Variants in ELL observed in about 807,000 individuals in gnomAD.
The protein encoded by ELL is elongation factor for RNA polymerase II, also known as RNA polymerase II elongation factor ELL.
Under a neutral mutation model 64.0 loss-of-function variants are expected in ELL, and 18 were observed. That is an observed-to-expected ratio of 0.28 (90% CI 0.19 to 0.42). The LOEUF is 0.42. Ranked by LOEUF, ELL falls within the 10% of genes least tolerant of loss-of-function variation. ELL has a pLI of 1.00. For synonymous variants in ELL, 399 were observed against 376.2 expected (o/e 1.06, Z -0.70); for missense variants, 797 against 870.4 (o/e 0.92, Z 1.06).
rs760796540 is a variant in ELL at position 18,472,862 on chromosome 19, T to C, written c.156A>G (p.Pro52=). The C allele has an allele frequency of 6.4e-7, 1 of 1,563,974 alleles. No homozygotes were observed. Among genetic ancestry groups the C allele is most frequent in the Non-Finnish European group, 8.6e-7 (1 of 1,163,270 alleles). The change falls in exon 2 of 12, where the codon CCA becomes CCG. Residue 52 remains proline (P), a synonymous_variant. Coordinates refer to ENST00000262809, the MANE Select transcript of ELL (RefSeq NM_006532.4). ...CTTGGCTTCCTTGAAATCGGATAGA[T>C]GGCCTCAGTGAAACAGAATCCTATA... ...RARQDSVSLR[P]SIRFQGSQGH...
rs994678051 is a variant in ELL, at chr19:18,473,193, G to A, written c.136-311C>T. ...CAGGGGCGGGGAGTGTGCCATCCTT[G>A]GAAAGCCACCACCAGCCTGTGAATC... On this transcript the variant is annotated intron_variant, in intron 1 of 11. Coordinates refer to ENST00000262809, the MANE Select transcript of ELL (RefSeq NM_006532.4). The A allele has an allele frequency of 1.7e-5, 11 of 631,502 alleles. No homozygotes were observed. The East Asian group carries it at 2.9e-4, about 16-fold the overall frequency. 39.1% of individuals were successfully genotyped at this position (631,502 alleles called of 1,614,324 possible).
At chr19:18,487,571 C>T (rs1047170845) in intron 1 of ELL, among the ~76,000 whole-genome samples, 1 of 152,256 alleles carries the variant, frequency 6.6e-6, no homozygotes, top group African/African-American at 2.4e-5. Context: ...CACGGCCAGG[C>T]TGCACTAGCC....
intron 5 of ELL, among the ~76,000 whole-genome samples, chr19:18,458,721 C>T (rs1193803365): frequency 6.6e-6 from 1 of 152,190 alleles, no homozygotes; most frequent in Non-Finnish European, 1.5e-5. Context: ...TAGCCTAGAC[C>T]TCCTGTGCTC....
At position 18,450,422 on chromosome 19, in the gene ELL, G is replaced by A. The variant is rs968939375; in HGVS notation, c.1465+55C>T. On this transcript the variant is annotated intron_variant, in intron 8 of 11. Coordinates refer to ENST00000262809, the MANE Select transcript of ELL (RefSeq NM_006532.4). The stretch of plus-strand genomic sequence containing the variant: ...CCTCGACACCCCATGAGGGTGAGGC[G>A]GGTGTGGGGCCAGTACTTAGAGCCC... 5.2e-5 allele frequency: 82 copies of A among 1,578,812 alleles called. 1 individual carries two copies. The South Asian group carries it at 5.9e-4, about 11-fold the overall frequency.
In ELL at chr19:18,455,273, A is replaced by ACC. The variant is rs1318509587; in HGVS notation, c.869+2931_869+2932insGG. On this transcript the variant is annotated intron_variant, in intron 6 of 11. Transcript: ENST00000262809. ...TTTGGGAGGCCGAGGCGGGTGGATC[A>ACC]TGAGGTCAGGAGTTCCAGACCAGCC... 1.6e-3 allele frequency among the ~76,000 whole-genome samples: 241 copies of ACC among 150,988 alleles called. 2 individuals carry two copies. The highest frequency in any genetic ancestry group is 5.7e-3 in the South Asian group (27 of 4,722).
At chr19:18,486,613 T>C (rs1220589378) in intron 1 of ELL, among the ~76,000 whole-genome samples, 1 of 152,160 alleles carries the variant, frequency 6.6e-6, no homozygotes, top group African/African-American at 2.4e-5. Context: ...ACGGGGCCCC[T>C]GTGTCACGTC....
intron 1 of ELL, among the ~76,000 whole-genome samples, chr19:18,503,798 G>C (rs1163887593): frequency 6.6e-6 from 1 of 152,154 alleles, no homozygotes; most frequent in Non-Finnish European, 1.5e-5. Context: ...CCTCCTCAGG[G>C]AGCCTTCCCT....
chr19:18,446,559 C>G, intron 9 of ELL, 79 bp from the exon 10 acceptor site: 1 of 1,552,462 alleles, frequency 6.4e-7, no homozygotes, highest in African/African-American at 1.3e-5. Context: ...CCTGGCTCCA[C>G]CGGCGGCCTG....
At chr19:18,491,585 T>TC (rs1040007369) in intron 1 of ELL, among the ~76,000 whole-genome samples, 58 of 152,018 alleles carry the variant, frequency 3.8e-4, no homozygotes, top group African/African-American at 1.4e-3. Flanking sequence ...TTTGACCTTG[T>TC]CCCCCCAACC....
At chr19:18,447,185 C>G (rs376248085) in intron 8 of ELL, among the ~76,000 whole-genome samples, 1 of 152,266 alleles carries the variant, frequency 6.6e-6, no homozygotes, top group East Asian at 1.9e-4. Flanking sequence ...TCCCCCAGGC[C>G]AGGCCCTTGC....
chr19:18,488,759 A>AG (rs5827415), intron 1 of ELL, among the ~76,000 whole-genome samples: 5,103 of 152,272 alleles, frequency 0.034, 298 homozygotes, highest in African/African-American at 0.12. Context: ...ACTGAGGCTC[A>AG]GGGAAGCCAG....
In ELL at chr19:18,445,255, T is replaced by C. The variant is rs1974387883; in HGVS notation, c.1718A>G (p.Gln573Arg). 1 of 1,613,978 alleles carries C rather than the reference T, an allele frequency of 6.2e-7. No individual in the cohort carries two copies. The highest frequency in any genetic ancestry group is 8.5e-7 in the Non-Finnish European group (1 of 1,179,992). ...GATTTTTCGATATTCCTGCAAAATC[T>C]GCCCTCGAGTAGTCTAGAAGAAAAA... Reference protein sequence around the residue: ...GSEEYETTRGQILQEYRKIKK... With the variant: ...GSEEYETTRGRILQEYRKIKK... Residue 573 changes from glutamine (Q) to arginine (R), a missense_variant, in exon 11 of 12, where the codon CAG becomes CGG. Coordinates refer to ENST00000262809, the MANE Select transcript of ELL (RefSeq NM_006532.4).
intron 6 of ELL, among the ~76,000 whole-genome samples, chr19:18,456,099 A>C (rs1401151949): frequency 2.7e-5 from 4 of 145,750 alleles, no homozygotes; most frequent in African/African-American, 7.8e-5. Context: ...CTCCATCACA[A>C]AAAAAAAAAA....
At chr19:18,484,202 G>C (rs1975364344) in intron 1 of ELL, among the ~76,000 whole-genome samples, 1 of 152,174 alleles carries the variant, frequency 6.6e-6, no homozygotes. Context: ...GGTGGCTCAC[G>C]CCTGTAATCC....
intron 1 of ELL, among the ~76,000 whole-genome samples, chr19:18,474,615 C>G (rs1361817554): frequency 2.0e-5 from 3 of 152,252 alleles, no homozygotes; most frequent in African/African-American, 7.2e-5. Context: ...ATGGCCCACT[C>G]CCTTGTCCTG....
At chr19:18,482,308 CTTTTTTTTTTTTT>C (rs530594631) in intron 1 of ELL, among the ~76,000 whole-genome samples, 54 of 77,570 alleles carry the variant, frequency 7.0e-4, no homozygotes, top group African/African-American at 9.8e-4. Flanking sequence ...CTTTTCATTC[CTTTTTTTTTTTTT>C]TTTTTTTTTT....
At chr19:18,521,405 C>T (rs1348533673) in intron 1 of ELL, among the ~76,000 whole-genome samples, 3 of 152,160 alleles carry the variant, frequency 2.0e-5, no homozygotes, top group African/African-American at 7.2e-5. Context: ...AACAGACCCC[C>T]ACAAGTGCCT....
intron 1 of ELL, among the ~76,000 whole-genome samples, chr19:18,489,934 C>T (rs910918574): frequency 1.7e-4 from 26 of 152,142 alleles, no homozygotes; most frequent in African/African-American, 6.3e-4. Context: ...AGAATAAGGG[C>T]CCAGACGCGC....
chr19:18,461,972 C>T (rs995087498), intron 4 of ELL, 120 bp from the exon 5 acceptor site: 1 of 1,299,620 alleles, frequency 7.7e-7, no homozygotes, highest in Admixed American at 2.4e-5. Context: ...AGGCACCACA[C>T]CAACCACAGC....
Sources: gnomAD v4.1 joint callset for allele counts (sites outside exome capture counted in the v4.1 genomes callset) on GRCh38, gnomAD v4.1.1 for gene constraint, MANE v1.5 for transcripts, NCBI Gene and HGNC (gene_info 2026-07-23, HGNC 2026-07-21) for gene names.